LDLRAD4: variants seen among roughly 807,000 people sequenced by gnomAD.
LDLRAD4 encodes the protein low-density lipoprotein receptor class A domain-containing protein 4.
In LDLRAD4, 5 loss-of-function variants were observed where a neutral mutation model predicts 17.0. The ratio of observed to expected loss-of-function variants is 0.29; its 90% CI spans 0.15 to 0.62. The LOEUF (loss-of-function observed/expected upper bound fraction) is 0.62. LDLRAD4 is among the 20% of genes least tolerant of loss of function. The pLI is 0.84. For synonymous variants in LDLRAD4, 168 were observed against 171.8 expected, an observed-to-expected ratio of 0.98 and a Z score of 0.17; for missense variants, 340 against 424.7, an observed-to-expected ratio of 0.80 and a Z score of 1.75.
intron 3 of LDLRAD4, chr18:13,464,929 C>T (rs1188048469): frequency 3.3e-5 from 5 of 152,082 alleles, no homozygotes; most frequent in African/African-American, 1.2e-4. Flanking sequence ...TTGGCCGGTG[C>T]ACAAGACAAG....
intron 4 of LDLRAD4, among the ~76,000 whole-genome samples, chr18:13,624,137 T>C (rs2040900566): frequency 6.6e-6 from 1 of 152,074 alleles, no homozygotes; most frequent in South Asian, 2.1e-4. Context: ...TGAGCGGTGC[T>C]GAGGCGGAGG....
At chr18:13,306,678 A>G (rs1290858756) in intron 1 of LDLRAD4, among the ~76,000 whole-genome samples, 1 of 152,240 alleles carries the variant, frequency 6.6e-6, no homozygotes, top group African/African-American at 2.4e-5. Context: ...TTGTAACAGA[A>G]AAAACTGTGA....
At chr18:13,558,649 G>A (rs182894651) in intron 3 of LDLRAD4, among the ~76,000 whole-genome samples, 51 of 152,316 alleles carry the variant, frequency 3.3e-4, no homozygotes, top group African/African-American at 1.2e-3. Context: ...GTCCCACGAG[G>A]ACTTCATGTG....
intron 2 of LDLRAD4, among the ~76,000 whole-genome samples, chr18:13,423,281 T>C (rs1333106385): frequency 1.3e-5 from 2 of 151,908 alleles, no homozygotes; most frequent in East Asian, 1.9e-4. Flanking sequence ...TCACCTGAGT[T>C]TGGGAGTTTG....
chr18:13,447,791 G>A (rs1237248223), intron 3 of LDLRAD4, among the ~76,000 whole-genome samples: 1 of 152,168 alleles, frequency 6.6e-6, no homozygotes, highest in African/African-American at 2.4e-5. Flanking sequence ...TTCTAATAGA[G>A]TTTGCCATCC....
At chr18:13,425,556 C>G (rs868859173) in intron 2 of LDLRAD4, among the ~76,000 whole-genome samples, 1 of 152,148 alleles carries the variant, frequency 6.6e-6, no homozygotes, top group Non-Finnish European at 1.5e-5. Context: ...CGTCGGGGCT[C>G]CAGATGAGAG....
chr18:13,580,232 T>G (rs900691708), intron 3 of LDLRAD4, among the ~76,000 whole-genome samples: 1 of 152,230 alleles, frequency 6.6e-6, no homozygotes, highest in African/African-American at 2.4e-5. Context: ...CAGGACAGGA[T>G]GAAGCACCAG....
intron 3 of LDLRAD4, among the ~76,000 whole-genome samples, chr18:13,497,301 G>T (rs140276400): frequency 0.026 from 3,966 of 152,018 alleles, 87 homozygotes; most frequent in Middle Eastern, 0.058. Flanking sequence ...CTCAGCCTCC[G>T]GAATAGCTGG....
chr18:13,476,044 G>A (rs1331982790), intron 3 of LDLRAD4, among the ~76,000 whole-genome samples: 2 of 152,144 alleles, frequency 1.3e-5, no homozygotes. Flanking sequence ...GGGAATCTGA[G>A]ATATAGTTTG....
chr18:13,222,325 T>C (rs2041504637), intron 1 of LDLRAD4, among the ~76,000 whole-genome samples: 1 of 152,150 alleles, frequency 6.6e-6, no homozygotes, highest in South Asian at 2.1e-4. Flanking sequence ...TTCTTCCTTT[T>C]TTTTTTGGAA....
intron 4 of LDLRAD4, among the ~76,000 whole-genome samples, chr18:13,636,363 G>A (rs1171099307): frequency 6.6e-6 from 1 of 150,860 alleles, no homozygotes; most frequent in Non-Finnish European, 1.5e-5. Flanking sequence ...GAACAGCCAG[G>A]TTTAAACACA....
intron 3 of LDLRAD4, chr18:13,521,011 A>T (rs1175380589): frequency 6.6e-6 from 1 of 152,192 alleles, no homozygotes; most frequent in Non-Finnish European, 1.5e-5. Context: ...TCGCCATTGG[A>T]GGTAGCCTAG....
At chr18:13,428,636 T>C (rs1477894598) in intron 2 of LDLRAD4, among the ~76,000 whole-genome samples, 2 of 151,602 alleles carry the variant, frequency 1.3e-5, no homozygotes, top group African/African-American at 2.4e-5. Flanking sequence ...GGAGGGGAGA[T>C]TGTACCTTGG....
chr18:13,390,770 G>T (rs938677747), intron 2 of LDLRAD4, among the ~76,000 whole-genome samples: 1 of 152,208 alleles, frequency 6.6e-6, no homozygotes, highest in Non-Finnish European at 1.5e-5. Flanking sequence ...TGTTGGGTGC[G>T]CCAGCACCTG....
intron 1 of LDLRAD4, among the ~76,000 whole-genome samples, chr18:13,317,484 C>T (rs971109815): frequency 6.6e-6 from 1 of 152,170 alleles, no homozygotes; most frequent in Non-Finnish European, 1.5e-5. Flanking sequence ...GCATTCATCA[C>T]TTAAAAAATT....
At chr18:13,328,696 A>C (rs2081670342) in intron 1 of LDLRAD4, among the ~76,000 whole-genome samples, 1 of 152,212 alleles carries the variant, frequency 6.6e-6, no homozygotes, top group Non-Finnish European at 1.5e-5. Context: ...TAATGTGTTC[A>C]TTTATACCTT....
intron 3 of LDLRAD4, chr18:13,561,434 C>G (rs894389861): frequency 1.3e-5 from 2 of 152,000 alleles, no homozygotes; most frequent in Non-Finnish European, 2.9e-5. Context: ...TTTTTGAGCA[C>G]CATTTTTATA....
At chr18:13,289,629 A>G (rs1172597664) in intron 1 of LDLRAD4, among the ~76,000 whole-genome samples, 1 of 152,236 alleles carries the variant, frequency 6.6e-6, no homozygotes, top group African/African-American at 2.4e-5. Context: ...TTTGCAAAGT[A>G]AAAGAGAGAT....
intron 3 of LDLRAD4, among the ~76,000 whole-genome samples, chr18:13,450,205 C>T (rs1341827873): frequency 6.6e-6 from 1 of 152,110 alleles, no homozygotes; most frequent in Non-Finnish European, 1.5e-5. Flanking sequence ...CCCCATGAGG[C>T]CTCTAGATCA....
Sources: allele counts gnomAD v4.1 joint callset (sites outside exome capture counted in the v4.1 genomes callset), GRCh38; gene constraint gnomAD v4.1.1; transcripts MANE v1.5; gene names NCBI Gene and HGNC (gene_info 2026-07-23, HGNC 2026-07-21).